CERS1: variants seen among roughly 807,000 people sequenced by gnomAD.
CERS1 encodes the protein ceramide synthase 1.
In CERS1, 16 loss-of-function variants were observed where a neutral mutation model predicts 35.7. That is an observed-to-expected ratio of 0.45 (90% CI 0.30 to 0.68). The LOEUF (loss-of-function observed/expected upper bound fraction) is 0.68, where lower values mean the gene tolerates loss of function less well. Ranked by LOEUF, CERS1 falls within the 30% of genes least tolerant of loss-of-function variation. The pLI is 0.08. For missense variants in CERS1, 454 were observed against 453.9 expected, an observed-to-expected ratio of 1.00 and a Z score of 0.00; for synonymous variants, 243 against 201.6, an observed-to-expected ratio of 1.21 and a Z score of -1.74.
rs2055942565 is a variant in CERS1, at chr19:18,870,224, G to T, written c.*353C>A. The T allele has an allele frequency of 6.4e-7, 1 of 1,554,354 alleles. No individual in the cohort carries two copies. The highest frequency in any genetic ancestry group is 1.2e-5 in the South Asian group (1 of 84,996). ...CGGCTGGGCCTGGGGGCACGGGGGC[G>T]CGGGTCAGGGGCAGCGAGGGCAGCA... On this transcript the variant is annotated 3_prime_UTR_variant, in exon 7 of 8. Transcript: ENST00000623882. This position sits in a 1 kb window ranked among gnomAD's most constrained non-coding sequence, Gnocchi z 5.1.
chr19:18,872,814 A>G (rs1331779897), intron 6 of CERS1, among the ~76,000 whole-genome samples: 1 of 146,656 alleles, frequency 6.8e-6, no homozygotes, highest in Non-Finnish European at 1.5e-5. Context: ...GCGCCTGGCT[A>G]ATTTTTATAT....
chr19:18,893,271 GTGGCGTGCTCA>G, intron 2 of CERS1, 134 bp downstream of exon 2: 3 of 831,312 alleles, frequency 3.6e-6, no homozygotes, highest in Non-Finnish European at 5.5e-6. Context: ...CTGGAGTGCA[GTGGCGTGCTCA>G]TAGCTCCCCT....
chr19:18,885,612 G>A (rs1022292400), intron 2 of CERS1, among the ~76,000 whole-genome samples: 2 of 147,552 alleles, frequency 1.4e-5, no homozygotes, highest in African/African-American at 2.5e-5. Flanking sequence ...CTCCATATCC[G>A]GGGTTCAAGT....
intron 3 of CERS1, chr19:18,883,043 C>CA (rs1326487003): frequency 1.3e-5 from 2 of 152,150 alleles, no homozygotes; most frequent in African/African-American, 4.8e-5. Context: ...AGGTTGAACT[C>CA]AAACTTCTGG....
chr19:18,885,511 G>GTTTT lies in CERS1; in HGVS notation c.410-1248_410-1245dup, dbSNP rs59793456. ...CTCACCCAGCCCAGCGCCCCTTCTCGTTTTTTTTTTTTTTTTTTTTTTTTT... is the reference window on the plus strand; with the variant it reads ...CTCACCCAGCCCAGCGCCCCTTCTCGTTTTTTTTTTTTTTTTTTTTTTTTTTTTT... On this transcript the variant is annotated intron_variant, in intron 2 of 7. Coordinates refer to ENST00000623882, the MANE Select transcript of CERS1 (RefSeq NM_021267.5). Among the ~76,000 whole-genome samples the GTTTT allele has an allele frequency of 8.0e-3, 176 of 22,102 alleles. 10 individuals carry two copies. The highest frequency in any genetic ancestry group is 0.019 in the African/African-American group (168 of 8,688). 14.5% of individuals were successfully genotyped at this position (22,102 alleles called of 152,430 possible).
chr19:18,872,720 T>TTAGTAGA (rs2055996551), intron 6 of CERS1, among the ~76,000 whole-genome samples: 3 of 152,184 alleles, frequency 2.0e-5, no homozygotes, highest in African/African-American at 7.2e-5. Context: ...TTTACCATGT[T>TTAGTAGA]GGCCAGGCTG....
intron 6 of CERS1, among the ~76,000 whole-genome samples, chr19:18,872,348 CTTGTT>C (rs1213521892): frequency 1.3e-5 from 2 of 152,040 alleles, no homozygotes; most frequent in East Asian, 1.9e-4. Context: ...ATCTTTTTTT[CTTGTT>C]TTGTTTTTTT....
At chr19:18,879,912 C>T (rs1441014082) in intron 4 of CERS1, among the ~76,000 whole-genome samples, 2 of 151,336 alleles carry the variant, frequency 1.3e-5, no homozygotes, top group African/African-American at 4.9e-5. Flanking sequence ...CCTAGCCCTA[C>T]CCCAACCCTG....
intron 6 of CERS1, among the ~76,000 whole-genome samples, chr19:18,877,736 G>A (rs1288101063): frequency 7.7e-6 from 1 of 129,504 alleles, no homozygotes; most frequent in African/African-American, 3.0e-5. Flanking sequence ...CAGCCTGGAC[G>A]ACAGAGTGAG....
intron 4 of CERS1, 45 bp from the exon 5 acceptor site, chr19:18,879,433 G>A (rs920432911): frequency 1.9e-5 from 29 of 1,544,642 alleles, no homozygotes; most frequent in Non-Finnish European, 2.4e-5. Flanking sequence ...GGGGGACGGT[G>A]CCCTACCCAG....
chr19:18,890,651 C>T (rs924530013), intron 2 of CERS1, among the ~76,000 whole-genome samples: 8 of 151,402 alleles, frequency 5.3e-5, no homozygotes, highest in Non-Finnish European at 1.2e-4. Flanking sequence ...GGTGGTGGCA[C>T]ACACCTGTGG....
intron 2 of CERS1, among the ~76,000 whole-genome samples, chr19:18,886,903 A>C (rs1179946606): frequency 2.6e-5 from 4 of 151,956 alleles, no homozygotes; most frequent in Non-Finnish European, 5.9e-5. Context: ...TCTCCTGCCC[A>C]CATCTCTCCA....
At chr19:18,886,818 C>T (rs2056372995) in intron 2 of CERS1, among the ~76,000 whole-genome samples, 2 of 152,230 alleles carry the variant, frequency 1.3e-5, no homozygotes, top group African/African-American at 4.8e-5. Flanking sequence ...CTTCTGCAGC[C>T]GAGTTACACT....
chr19:18,873,483 C>A (rs192096964), intron 6 of CERS1, among the ~76,000 whole-genome samples: 1 of 150,942 alleles, frequency 6.6e-6, no homozygotes, highest in South Asian at 2.1e-4. Flanking sequence ...GATCACCTGA[C>A]CCTAGGAGTT....
In CERS1 at chr19:18,868,655, T is replaced by C. The variant is rs1254407319; in HGVS notation, c.*1330A>G. 1 of 1,575,126 alleles carries C rather than the reference T, an allele frequency of 6.3e-7. No homozygotes were observed. The highest frequency in any genetic ancestry group is 1.3e-5 in the African/African-American group (1 of 74,214). On this transcript the variant is annotated 3_prime_UTR_variant, in exon 8 of 8. Coordinates refer to ENST00000623882, the MANE Select transcript of CERS1 (RefSeq NM_021267.5). ...CTCATACTGCCGCAGCACCACGTTGTCGCTGTTGTCAAAGAAGAGCACGGA... is the reference window on the plus strand; with the variant it reads ...CTCATACTGCCGCAGCACCACGTTGCCGCTGTTGTCAAAGAAGAGCACGGA...
At chr19:18,888,657 C>T (rs1194021993) in intron 2 of CERS1, among the ~76,000 whole-genome samples, 1 of 151,310 alleles carries the variant, frequency 6.6e-6, no homozygotes, top group African/African-American at 2.4e-5. Flanking sequence ...ATGGTGAAAC[C>T]CTGTCTCTAC....
intron 2 of CERS1, among the ~76,000 whole-genome samples, chr19:18,885,697 T>A (rs2056338853): frequency 6.6e-6 from 1 of 150,656 alleles, no homozygotes; most frequent in African/African-American, 2.5e-5. Context: ...TTTTTTTTTT[T>A]TTCAGTAGAG....
intron 6 of CERS1, among the ~76,000 whole-genome samples, chr19:18,875,623 C>G (rs968431831): frequency 2.6e-5 from 4 of 152,068 alleles, no homozygotes; most frequent in African/African-American, 9.7e-5. Flanking sequence ...CTGTGGAGAG[C>G]TTTCTTTTAT....
intron 6 of CERS1, among the ~76,000 whole-genome samples, chr19:18,875,949 A>G (rs1555703591): frequency 6.6e-6 from 1 of 152,204 alleles, no homozygotes; most frequent in Non-Finnish European, 1.5e-5. Flanking sequence ...GATTTTGAAC[A>G]TCTGTCATCC....
Sources: allele counts gnomAD v4.1 joint callset (sites outside exome capture counted in the v4.1 genomes callset), GRCh38; gene constraint gnomAD v4.1.1; non-coding constraint Gnocchi (gnomAD v3.1); transcripts MANE v1.5; gene names NCBI Gene and HGNC (gene_info 2026-07-23, HGNC 2026-07-21).